Variants in LTBP1 observed in about 807,000 individuals in gnomAD.
LTBP1 encodes latent-transforming growth factor beta-binding protein 1.
LTBP1 carries 129 observed loss-of-function variants against 207.6 expected under a neutral mutation model. That is an observed-to-expected ratio of 0.62 (90% CI 0.54 to 0.72). The LOEUF is 0.72. Among genes scored for constraint, LTBP1 ranks in the 30% least tolerant of loss-of-function variants. The pLI is 0.00. For synonymous variants in LTBP1, 963 were observed against 833.7 expected (o/e 1.16, Z -2.67); for missense variants, 2,281 against 2,217.2 (o/e 1.03, Z -0.58).
At chr2:32,978,945 C>T (rs575011093) in intron 2 of LTBP1, among the ~76,000 whole-genome samples, 1 of 151,838 alleles carries the variant, frequency 6.6e-6, no homozygotes, top group Admixed American at 6.5e-5. Context: ...TTGTATGTGT[C>T]TGGGAGTTGA....
intron 5 of LTBP1, among the ~76,000 whole-genome samples, chr2:33,151,447 C>CT (rs796120604): frequency 1.3e-3 from 191 of 151,088 alleles, no homozygotes; most frequent in African/African-American, 3.9e-3. Context: ...TCAGCTTACC[C>CT]TTTTTTTTTG....
intron 4 of LTBP1, among the ~76,000 whole-genome samples, chr2:33,124,974 A>T (rs1405246241): frequency 1.3e-5 from 2 of 152,204 alleles, no homozygotes; most frequent in Admixed American, 6.5e-5. Flanking sequence ...CCAGATAAAG[A>T]TCTTAAGACT....
intron 31 of LTBP1, among the ~76,000 whole-genome samples, chr2:33,369,556 A>T (rs1430265345): frequency 7.0e-6 from 1 of 142,116 alleles, no homozygotes. Context: ...AGGTAGCCCC[A>T]AAGGAACTTT....
chr2:33,159,394 C>T (rs866532330), intron 5 of LTBP1, among the ~76,000 whole-genome samples: 1 of 152,214 alleles, frequency 6.6e-6, no homozygotes, highest in Admixed American at 6.5e-5. Flanking sequence ...AAGCTGTCAC[C>T]TCTTACACTT....
In LTBP1 at chr2:33,179,510, C is replaced by G. The variant is rs113421007; in HGVS notation, c.1202-7346C>G. 8.6e-3 allele frequency among the ~76,000 whole-genome samples: 1,301 copies of G among 151,456 alleles called. 19 individuals carry two copies. The highest frequency in any genetic ancestry group is 0.03 in the African/African-American group (1,220 of 41,208). On this transcript the variant is annotated intron_variant, in intron 5 of 33. Transcript: ENST00000404816. ...TGGGGAGTGTTGGGTGCATCTTTAA[C>G]TTTTTTAAAGCATTTTCTCTTTGGA...
rs117077766 is a variant in LTBP1 at position 33,074,552 on chromosome 2, C to T, written c.864-36030C>T. Among the ~76,000 whole-genome samples, 414 of 152,042 alleles carry T rather than the reference C, an allele frequency of 2.7e-3. 7 individuals carry two copies. The East Asian group carries it at 0.037, about 14-fold the overall frequency. On this transcript the variant is annotated intron_variant, in intron 3 of 33. Transcript: ENST00000404816. Reference sequence around the variant, plus strand: ...AAGAGTTCGAGACCAGCCTCGCCAACGAAAACCCTGTCTCTACTAAAAATA... The same window carrying T: ...AAGAGTTCGAGACCAGCCTCGCCAATGAAAACCCTGTCTCTACTAAAAATA...
chr2:33,218,222 C>T (rs1477685413), intron 8 of LTBP1, among the ~76,000 whole-genome samples: 1 of 152,068 alleles, frequency 6.6e-6, no homozygotes, highest in African/African-American at 2.4e-5. Context: ...TGTCACAGAC[C>T]TCAGCAACAT....
chr2:33,394,992 A>C (rs2095346214), intron 32 of LTBP1, among the ~76,000 whole-genome samples: 1 of 152,180 alleles, frequency 6.6e-6, no homozygotes, highest in Non-Finnish European at 1.5e-5. Flanking sequence ...CCTGCAAAAG[A>C]CATTATCTCA....
intron 15 of LTBP1, among the ~76,000 whole-genome samples, chr2:33,267,382 C>T (rs1002625548): frequency 2.6e-5 from 4 of 152,178 alleles, no homozygotes; most frequent in Non-Finnish European, 5.9e-5. Context: ...CCACCAGCCA[C>T]AGAGGTTCTG....
At chr2:33,285,054 T>G (rs1251797205) in intron 19 of LTBP1, among the ~76,000 whole-genome samples, 3 of 150,362 alleles carry the variant, frequency 2.0e-5, no homozygotes, top group Non-Finnish European at 3.0e-5. Context: ...TTTTTTTTTT[T>G]TTCTGAGATG....
intron 2 of LTBP1, among the ~76,000 whole-genome samples, chr2:33,002,120 G>A (rs1243681575): frequency 1.0e-5 from 1 of 97,706 alleles, no homozygotes; most frequent in South Asian, 3.7e-4. Flanking sequence ...TTGTTGAAAT[G>A]TTTTGACCAG....
chr2:33,238,935 T>C (rs2092182645), intron 9 of LTBP1, among the ~76,000 whole-genome samples: 1 of 152,218 alleles, frequency 6.6e-6, no homozygotes, highest in Non-Finnish European at 1.5e-5. Flanking sequence ...GGGTTGTTCA[T>C]AGGGAGTCTC....
intron 2 of LTBP1, among the ~76,000 whole-genome samples, chr2:33,008,155 A>G (rs956347425): frequency 6.6e-6 from 1 of 152,144 alleles, no homozygotes; most frequent in African/African-American, 2.4e-5. Context: ...CTTGTTTAAC[A>G]TTTTTGCCTG....
intron 31 of LTBP1, among the ~76,000 whole-genome samples, chr2:33,377,203 C>A (rs1475849624): frequency 1.3e-5 from 2 of 152,196 alleles, no homozygotes; most frequent in African/African-American, 2.4e-5. Flanking sequence ...AACAAGCTGC[C>A]ATTCCCAAAC....
At chr2:33,073,897 G>A (rs1056581481) in intron 3 of LTBP1, among the ~76,000 whole-genome samples, 27 of 152,328 alleles carry the variant, frequency 1.8e-4, no homozygotes, top group Admixed American at 2.6e-4. Context: ...GAAGTGCTGG[G>A]ATTGCAGGTG....
intron 24 of LTBP1, among the ~76,000 whole-genome samples, chr2:33,323,967 G>A (rs933279654): frequency 2.0e-5 from 3 of 152,166 alleles, no homozygotes; most frequent in Admixed American, 6.5e-5. Context: ...GTGTGAACTT[G>A]GTGAGTGCTT....
chr2:33,293,353 T>A, intron 20 of LTBP1, 71 bp downstream of exon 20: 1 of 1,442,574 alleles, frequency 6.9e-7, no homozygotes, highest in Non-Finnish European at 9.3e-7. Context: ...CAATTAGCCT[T>A]AGAAAAGGGA....
intron 31 of LTBP1, among the ~76,000 whole-genome samples, chr2:33,372,109 C>G (rs76287355): frequency 0.026 from 3,900 of 152,282 alleles, 63 homozygotes; most frequent in South Asian, 0.049. Flanking sequence ...ACTACCCCTC[C>G]TTTTTCTGAC....
intron 4 of LTBP1, among the ~76,000 whole-genome samples, chr2:33,130,495 C>A (rs1245109760): frequency 6.6e-6 from 1 of 152,126 alleles, no homozygotes; most frequent in African/African-American, 2.4e-5. Flanking sequence ...GCAACTGTGC[C>A]CTTTTCTAGA....
Sources: gnomAD v4.1 joint callset for allele counts (sites outside exome capture counted in the v4.1 genomes callset) on GRCh38, gnomAD v4.1.1 for gene constraint, MANE v1.5 for transcripts, NCBI Gene and HGNC (gene_info 2026-07-23, HGNC 2026-07-21) for gene names.